The following ZNF581 variants were observed in gnomAD, a reference collection of about 807,000 sequenced individuals.
ZNF581 encodes the protein zinc finger protein 581.
Under a neutral mutation model 1.2 loss-of-function variants are expected in ZNF581, and 1 was observed. That is an observed-to-expected ratio of 0.83 (90% CI 0.30 to 3.95). The LOEUF is 3.95. Ranked by LOEUF, ZNF581 falls within the 30% of genes most tolerant of loss-of-function variation. The pLI is 0.18. For synonymous variants in ZNF581, 105 were observed against 109.2 expected (o/e 0.96, Z 0.24); for missense variants, 273 against 274.6 (o/e 0.99, Z 0.04).
At chr19:55,638,951 G>GC (rs1674855349), upstream of ZNF581, among the ~76,000 whole-genome samples, 1 of 133,480 alleles carries the variant, frequency 7.5e-6, no homozygotes, top group African/African-American at 2.9e-5. Flanking sequence ...GTTGCAGTGA[G>GC]CCTAGAATTG....
Position 55,644,913 on chromosome 19 carries a change from C to T in ZNF581, c.342C>T (p.Pro114=), listed in dbSNP as rs781433065. The change falls in exon 2 of 2, where the codon CCC becomes CCT. Residue 114 remains proline, a synonymous_variant. Coordinates refer to ENST00000270451, the MANE Select transcript of ZNF581 (RefSeq NM_016535.4). The surrounding 1 kb of genome is among the most constrained non-coding windows in gnomAD (Gnocchi z 4.3). ...GCATCACCCACTCGGAGGTAAAGCCCTTCGAGTGTGACATCTGTGGGAAGG... is the reference window on the plus strand; with the variant it reads ...GCATCACCCACTCGGAGGTAAAGCCTTTCGAGTGTGACATCTGTGGGAAGG... ...RHSITHSEVK[P]FECDICGKAF... The T allele has an allele frequency of 6.2e-7, 1 of 1,613,878 alleles. No homozygotes were observed. Among genetic ancestry groups the T allele is most frequent in the Admixed American group, 1.7e-5 (1 of 60,032 alleles).
upstream of ZNF581, chr19:55,640,421 G>T (rs1047240267): frequency 1.0e-6 from 1 of 985,374 alleles, no homozygotes; most frequent in Non-Finnish European, 1.2e-6. Flanking sequence ...CCTTCGCTGC[G>T]CTTCGGTGTC....
upstream of ZNF581, among the ~76,000 whole-genome samples, chr19:55,641,367 G>A (rs1479060678): frequency 6.6e-6 from 1 of 152,218 alleles, no homozygotes; most frequent in Non-Finnish European, 1.5e-5. Flanking sequence ...GCAATAGGAG[G>A]GGCCCCAGGG....
chr19:55,642,999 A>G, upstream of ZNF581: 3 of 1,368,098 alleles, frequency 2.2e-6, no homozygotes, highest in South Asian at 3.7e-5. Flanking sequence ...GACGCCGCGG[A>G]GCTGGCGCAG....
At chr19:55,638,121 C>T (rs1316624260), upstream of ZNF581, among the ~76,000 whole-genome samples, 1 of 152,130 alleles carries the variant, frequency 6.6e-6, no homozygotes, top group Non-Finnish European at 1.5e-5. Flanking sequence ...GTGGTCCTGG[C>T]AGCTGCTTCT....
At chr19:55,635,535 C>G (rs1188532058) in exon 1 of ZNF581, 6 of 334,898 alleles carry the variant, frequency 1.8e-5, no homozygotes, top group African/African-American at 2.2e-5. Context: ...CCCCTCTGCG[C>G]TGTGGAGTGC....
At position 55,635,606 on chromosome 19, in the gene ZNF581, T is replaced by C. The variant is rs996965555; in HGVS notation, c.-126T>C. The C allele has an allele frequency of 4.4e-6, 4 of 907,954 alleles. No individual in the cohort carries two copies. The African/African-American group carries it at 7.2e-5, about 16-fold the overall frequency. 56.2% of individuals were successfully genotyped at this position (907,954 alleles called of 1,614,324 possible). On this transcript the variant is annotated 5_prime_UTR_variant, in exon 1 of 2. Coordinates refer to the ZNF581 transcript ENST00000587252. Reference sequence around the variant, plus strand: ...TTCATCGAGACCCTGGATATGAATATGCAGTGTGAACTGAAGTTTGGGGAC... The same window carrying C: ...TTCATCGAGACCCTGGATATGAATACGCAGTGTGAACTGAAGTTTGGGGAC...
upstream of ZNF581, chr19:55,635,006 G>A (rs1477362745): frequency 1.3e-5 from 2 of 152,168 alleles, no homozygotes; most frequent in South Asian, 2.1e-4. Flanking sequence ...AGTCGTCACT[G>A]CGGCCGCTTC....
At chr19:55,642,868 C>G (rs1982611209), upstream of ZNF581, 1 of 1,568,440 alleles carries the variant, frequency 6.4e-7, no homozygotes. Context: ...TCAAGCCCTT[C>G]ACGTGCGGCG....
upstream of ZNF581, chr19:55,640,699 C>T (rs964342493): frequency 1.0e-6 from 1 of 985,362 alleles, no homozygotes. Flanking sequence ...CGCCCTCTAC[C>T]TCGGTGGGTG....
chr19:55,643,111 C>T (rs1359848290), upstream of ZNF581: 2 of 1,306,162 alleles, frequency 1.5e-6, no homozygotes, highest in Non-Finnish European at 2.0e-6. Context: ...CCACACACAC[C>T]CCCTGGCTCT....
At chr19:55,638,229 T>C (rs1982210411), upstream of ZNF581, among the ~76,000 whole-genome samples, 1 of 151,610 alleles carries the variant, frequency 6.6e-6, no homozygotes, top group Admixed American at 6.6e-5. Context: ...GGTGACACGC[T>C]TTTTTGTTTG....
At chr19:55,635,873 A>G (rs1028264457) in intron 1 of ZNF581, among the ~76,000 whole-genome samples, 2 of 152,220 alleles carry the variant, frequency 1.3e-5, no homozygotes, top group Non-Finnish European at 2.9e-5. Context: ...TTGAGAGGTC[A>G]GAATACATGA....
At chr19:55,643,379 A>C, upstream of ZNF581, 1 of 274,428 alleles carries the variant, frequency 3.6e-6, no homozygotes, top group Non-Finnish European at 7.3e-6. Context: ...AAGAGATGAT[A>C]AAGAGCACGG....
upstream of ZNF581, among the ~76,000 whole-genome samples, chr19:55,638,308 G>A (rs1600037040): frequency 6.6e-6 from 1 of 152,080 alleles, no homozygotes; most frequent in South Asian, 2.1e-4. Context: ...GCACAATCTC[G>A]GTTCACTGCA....
intron 1 of ZNF581, chr19:55,635,737 AGGT>A: frequency 1.0e-6 from 1 of 988,080 alleles, no homozygotes; most frequent in Non-Finnish European, 1.2e-6. Flanking sequence ...AGGGTGGGAA[AGGT>A]GGCTGAGGCC....
upstream of ZNF581, chr19:55,640,212 C>T (rs1393497876): frequency 5.1e-6 from 5 of 985,368 alleles, no homozygotes; most frequent in Non-Finnish European, 4.8e-6. Flanking sequence ...GCCCCGAGTG[C>T]TGCCGCGTGT....
At position 55,645,323 on chromosome 19, in the gene ZNF581, C is replaced by A; in HGVS notation, c.*158C>A. 1.7e-6 allele frequency: 1 copy of A among 587,276 alleles called. No individual in the cohort carries two copies. The highest frequency in any genetic ancestry group is 2.8e-6 in the Non-Finnish European group (1 of 354,522). The allele number at this position is 587,276 out of a possible 1,614,324, so 36.4% of individuals were successfully genotyped here. ...GCAGAGCCCTGCCTGAAGGAGGAAT[C>A]CGTGAGTAATCTTCAGGTCCTCCGT... On this transcript the variant is annotated 3_prime_UTR_variant, in exon 2 of 2. Coordinates refer to ENST00000270451, the MANE Select transcript of ZNF581 (RefSeq NM_016535.4).
At chr19:55,642,105 G>A (rs1982532688), upstream of ZNF581, 8 of 1,000,408 alleles carry the variant, frequency 8.0e-6, no homozygotes, top group Non-Finnish European at 9.5e-6. Flanking sequence ...ACAGATTAGA[G>A]AAATCTCGGC....
Sources: allele counts gnomAD v4.1 joint callset (sites outside exome capture counted in the v4.1 genomes callset), GRCh38; gene constraint gnomAD v4.1.1; non-coding constraint Gnocchi (gnomAD v3.1); transcripts MANE v1.5; gene names NCBI Gene and HGNC (gene_info 2026-07-23, HGNC 2026-07-21).